AHNAK: variants seen among roughly 807,000 people sequenced by gnomAD.
The protein encoded by AHNAK is AHNAK nucleoprotein, also known as neuroblast differentiation-associated protein AHNAK.
A neutral mutation model predicts 37.8 loss-of-function variants in AHNAK; 23 were observed. The ratio of observed to expected loss-of-function variants is 0.61; its 90% CI spans 0.44 to 0.86. The LOEUF is 0.86. Ranked by LOEUF, AHNAK falls within the 40% of genes least tolerant of loss-of-function variation. The pLI is 0.00. For synonymous variants in AHNAK, 2,481 were observed against 2,636.3 expected (o/e 0.94, Z 1.80); for missense variants, 7,411 against 7,319.4 (o/e 1.01, Z -0.46).
rs149102869 is a variant in AHNAK at position 62,466,883 on chromosome 11, C to T, written c.442+24849G>A. On this transcript the variant is annotated intron_variant, in intron 5 of 5. Coordinates refer to the AHNAK transcript ENST00000257247. ...TAACAACATAACTAAGATAAGGAAG[C>T]ATTTTAACTATGTAGAATAATAAAC... Among the ~76,000 whole-genome samples, 17 of 152,280 alleles carry T rather than the reference C, an allele frequency of 1.1e-4. 1 individual carries two copies. The highest frequency in any genetic ancestry group is 1.0e-3 in the Admixed American group (16 of 15,278).
At position 62,518,988 on chromosome 11, in the gene AHNAK, G is replaced by C; in HGVS notation, c.15429C>G (p.Val5143=). Residue 5143 remains valine, a synonymous_variant, in exon 5 of 5, where the codon GTC becomes GTG. Transcript: ENST00000378024. ...GLDIKAKAPK[V]KMPDVDISVP... is the part of the protein sequence containing the mutation. ...CTGAGATGTCCACATCTGGCATCTT[G>C]ACCTTGGGAGCCTTCGCCTTGATGT... 6.2e-7 allele frequency: 1 copy of C among 1,614,144 alleles called. No homozygotes were observed. The highest frequency in any genetic ancestry group is 8.5e-7 in the Non-Finnish European group (1 of 1,180,006).
Position 62,533,899 on chromosome 11 carries a change from A to G in AHNAK, c.518T>C (p.Ile173Thr), listed in dbSNP as rs747875746. The G allele has an allele frequency of 1.9e-6, 3 of 1,614,162 alleles. 1 individual carries two copies. In the South Asian group the frequency reaches 3.3e-5, roughly 18 times the overall value. The change falls in exon 5 of 5, where the codon ATA becomes ACA. Residue 173 changes from isoleucine (I) to threonine (T), a missense_variant. By Grantham distance (89) the Ile-to-Thr change is moderately conservative. Coordinates refer to ENST00000378024, the MANE Select transcript of AHNAK (RefSeq NM_001620.3). ...DVTGREGAKD[I>T]DISSPEFKIK... ...CTTGAATTCAGGGCTACTGATGTCT[A>G]TGTCCTTGGCTCCTTCCCGGCCAGT...
rs756476101 is a variant in AHNAK at position 62,527,727 on chromosome 11, T to G, written c.6690A>C (p.Pro2230=). Residue 2230 remains proline (P), a synonymous_variant, in exon 5 of 5, where the codon CCA becomes CCC. Transcript: ENST00000378024. ...AGTCTGGGCCATGAACATCCACATCTGGGGCATCAATGTCCACTTTGGGCC... is the reference window on the plus strand; with the variant it reads ...AGTCTGGGCCATGAACATCCACATCGGGGGCATCAATGTCCACTTTGGGCC... ...IRGPKVDIDA[P]DVDVHGPDWH... 6.2e-7 allele frequency: 1 copy of G among 1,614,064 alleles called. No homozygotes were observed. The highest frequency in any genetic ancestry group is 1.1e-5 in the South Asian group (1 of 91,072).
At chr11:62,511,706 G>A (rs976950941), downstream of AHNAK, among the ~76,000 whole-genome samples, 1 of 152,086 alleles carries the variant, frequency 6.6e-6, no homozygotes, top group Non-Finnish European at 1.5e-5. Context: ...AAGAAACCTC[G>A]ATGTATAAAA....
intron 5 of AHNAK, among the ~76,000 whole-genome samples, chr11:62,450,260 C>T (rs1444228013): frequency 1.3e-5 from 2 of 151,944 alleles, no homozygotes; most frequent in African/African-American, 4.8e-5. Context: ...TGGGTTCAAG[C>T]AATTCTCCTG....
chr11:62,543,603 C>A (rs550310181), intron 1 of AHNAK, among the ~76,000 whole-genome samples: 1 of 152,324 alleles, frequency 6.6e-6, no homozygotes, highest in South Asian at 2.1e-4. Flanking sequence ...TTCATTCCTT[C>A]GGAATCCTCT....
rs34585695 is a variant in AHNAK, at chr11:62,473,388, TAAAAA to T, written c.442+18339_442+18343del. The stretch of plus-strand genomic sequence containing the variant: ...TTGGGCAAAAGGTCGAGACTCCATC[TAAAAA>T]AAAAAAAAAAAAAAAAAAAAGGCTG... On this transcript the variant is annotated intron_variant, in intron 5 of 5. Coordinates refer to the AHNAK transcript ENST00000257247. Among the ~76,000 whole-genome samples, 13 of 31,854 alleles carry T rather than the reference TAAAAA, an allele frequency of 4.1e-4. No individual in the cohort carries two copies. In the South Asian group the frequency reaches 0.019, roughly 45 times the overall value. The allele number at this position is 31,854 out of a possible 152,430, so 20.9% of individuals were successfully genotyped here. A position where few individuals can be genotyped will look rare whatever the true frequency, so the allele number is the denominator to read the frequency against.
intron 5 of AHNAK, among the ~76,000 whole-genome samples, chr11:62,455,443 C>A (rs149186075): frequency 6.6e-6 from 1 of 151,896 alleles, no homozygotes; most frequent in Non-Finnish European, 1.5e-5. Flanking sequence ...TGGTGGCTCA[C>A]GCCTGTAATC....
chr11:62,534,106 G>A, intron 4 of AHNAK, 32 bp from the exon 5 acceptor site: 2 of 1,514,874 alleles, frequency 1.3e-6, no homozygotes, highest in Non-Finnish European at 8.8e-7. Context: ...AGAGGTTGCA[G>A]CAGAGTCTGC....
intron 5 of AHNAK, among the ~76,000 whole-genome samples, chr11:62,436,663 G>T (rs190243191): frequency 0.021 from 3,218 of 151,126 alleles, 107 homozygotes; most frequent in African/African-American, 0.074. Context: ...TAGGCCGGGC[G>T]CAGTGGCTCA....
At position 62,516,857 on chromosome 11, in the gene AHNAK, A is replaced by G. The variant is rs1014647559; in HGVS notation, c.17560T>C (p.Ser5854Pro). The change falls in exon 5 of 5, where the codon TCC becomes CCC. Residue 5854 changes from serine to proline, a missense_variant. By Grantham distance (74) the Ser-to-Pro change is moderately conservative. Transcript: ENST00000378024. Reference sequence around the variant, plus strand: ...AGTCGGGACTTCTTAGAGGCCAGGGACACCCCACTCCCCTGTAACTTGCCT... The same window carrying G: ...AGTCGGGACTTCTTAGAGGCCAGGGGCACCCCACTCCCCTGTAACTTGCCT... ...ETGKLQGSGV[S>P]LASKKSRLSS... is the part of the protein sequence containing the mutation. The G allele has an allele frequency of 3.0e-5, 49 of 1,613,972 alleles. No individual in the cohort carries two copies. Among genetic ancestry groups the G allele is most frequent in the Non-Finnish European group, 3.9e-5 (46 of 1,180,018 alleles).
chr11:62,487,660 C>T (rs1939419978), intron 5 of AHNAK, among the ~76,000 whole-genome samples: 1 of 152,224 alleles, frequency 6.6e-6, no homozygotes, highest in Non-Finnish European at 1.5e-5. Flanking sequence ...CTCTCAACTG[C>T]ACAGACTTGT....
chr11:62,488,402 C>CA (rs1173453824), intron 5 of AHNAK, among the ~76,000 whole-genome samples: 1 of 143,908 alleles, frequency 6.9e-6, no homozygotes, highest in Admixed American at 7.0e-5. Flanking sequence ...ATCTGTCTAG[C>CA]TTTTTTTTTT....
At chr11:62,509,980 G>C (rs541936262) in intron 4 of AHNAK, among the ~76,000 whole-genome samples, 14 of 152,258 alleles carry the variant, frequency 9.2e-5, no homozygotes, top group African/African-American at 2.9e-4. Context: ...GAAATTTAAA[G>C]ATATACTACA....
rs1242724438 is a variant in AHNAK, at chr11:62,455,908, G to A, written c.443-22017C>T. 2.6e-5 allele frequency among the ~76,000 whole-genome samples: 4 copies of A among 151,358 alleles called. 1 individual carries two copies. Among genetic ancestry groups the A allele is most frequent in the Admixed American group, 2.0e-4 (3 of 15,166 alleles). On this transcript the variant is annotated intron_variant, in intron 5 of 5. Transcript: ENST00000257247. ...TACAAAATTAACTAGCTGTGGTGGCGGGTGCCTGTAATCCCAGCTACTTGA... is the reference window on the plus strand; with the variant it reads ...TACAAAATTAACTAGCTGTGGTGGCAGGTGCCTGTAATCCCAGCTACTTGA...
At position 62,526,029 on chromosome 11, in the gene AHNAK, A is replaced by G; in HGVS notation, c.8388T>C (p.Asp2796=). Residue 2796 remains aspartate (D), a synonymous_variant, in exon 5 of 5, where the codon GAT becomes GAC. Transcript: ENST00000378024. ...VDVNLPKADI[D]VSGPKVDVEC... ...CAACATCCACTTTCGGTCCTGAGAC[A>G]TCAATGTCAGCCTTGGGCAGGTTCA... 2 of 1,613,506 alleles carry G rather than the reference A, an allele frequency of 1.2e-6. No homozygotes were observed. The highest frequency in any genetic ancestry group is 1.1e-5 in the South Asian group (1 of 91,036).
chr11:62,506,525 C>T (rs967104550), intron 4 of AHNAK, among the ~76,000 whole-genome samples: 3 of 152,048 alleles, frequency 2.0e-5, no homozygotes, highest in African/African-American at 7.2e-5. Flanking sequence ...CTCCCTGCAG[C>T]CCCCTTGCAT....
chr11:62,453,232 C>A (rs1938579727), intron 5 of AHNAK, among the ~76,000 whole-genome samples: 1 of 152,040 alleles, frequency 6.6e-6, no homozygotes, highest in Non-Finnish European at 1.5e-5. Context: ...GCAGACTGAT[C>A]TTTCATCATC....
At chr11:62,497,902 T>C (rs1379779895) in intron 4 of AHNAK, among the ~76,000 whole-genome samples, 1 of 151,684 alleles carries the variant, frequency 6.6e-6, no homozygotes. Context: ...AAGCAGAGGT[T>C]GCAGTGAGCC....
Sources: gnomAD v4.1 joint callset for allele counts (sites outside exome capture counted in the v4.1 genomes callset) on GRCh38, gnomAD v4.1.1 for gene constraint, MANE v1.5 for transcripts, NCBI Gene and HGNC (gene_info 2026-07-23, HGNC 2026-07-21) for gene names.